MRRF: variants seen among roughly 807,000 people sequenced by gnomAD.
The protein encoded by MRRF is mitochondrial ribosome recycling factor, also known as ribosome-recycling factor, mitochondrial.
A neutral mutation model predicts 25.1 loss-of-function variants in MRRF; 18 were observed. The observed-to-expected ratio is 0.72, with a 90% CI of 0.50 to 1.06. MRRF has a LOEUF of 1.06. Ranked by LOEUF, MRRF falls within the 50% of genes least tolerant of loss-of-function variation. The pLI is 0.00. For synonymous variants in MRRF, 113 were observed against 112.1 expected (o/e 1.01, Z -0.05); for missense variants, 323 against 319.3 (o/e 1.01, Z -0.09).
At chr9:122,303,813 T>C (rs146457971) in intron 5 of MRRF, among the ~76,000 whole-genome samples, 6 of 152,312 alleles carry the variant, frequency 3.9e-5, no homozygotes, top group African/African-American at 1.4e-4. Flanking sequence ...AATCTGTCTG[T>C]TTCCAAAGCC....
intron 1 of MRRF, among the ~76,000 whole-genome samples, chr9:122,270,161 A>T (rs916488993): frequency 2.0e-5 from 3 of 152,184 alleles, no homozygotes; most frequent in African/African-American, 7.2e-5. Context: ...GCTATCAATG[A>T]TATATTTGTC....
At chr9:122,322,112 G>A (rs1835925589) in intron 6 of MRRF, among the ~76,000 whole-genome samples, 1 of 152,202 alleles carries the variant, frequency 6.6e-6, no homozygotes, top group Non-Finnish European at 1.5e-5. Context: ...TGTAATCCCA[G>A]CACTTTGGGA....
chr9:122,313,223 T>C lies in MRRF; in HGVS notation c.552-4T>C, dbSNP rs1338057048. The C allele has an allele frequency of 6.2e-7, 1 of 1,613,740 alleles. No homozygotes were observed. The highest frequency in any genetic ancestry group is 8.5e-7 in the Non-Finnish European group (1 of 1,179,810). Reference sequence around the variant, plus strand: ...TTTGTTGAATGTCTTTTGTCTTTTATCAGAGTAACCAGAGAGCACAGAGAA... The same window carrying C: ...TTTGTTGAATGTCTTTTGTCTTTTACCAGAGTAACCAGAGAGCACAGAGAA... On this transcript the variant is annotated splice_region_variant and splice_polypyrimidine_tract_variant and intron_variant, in intron 5 of 6. Transcript: ENST00000344641.
rs1278948052 is a variant in MRRF at position 122,271,089 on chromosome 9, A to T, written c.184+14A>T. ...AGAAAGCCAAAGGTAGAGACATGTGACGTTCTCTCCTACTTCACCCCTTTC... is the reference window on the plus strand; with the variant it reads ...AGAAAGCCAAAGGTAGAGACATGTGTCGTTCTCTCCTACTTCACCCCTTTC... On this transcript the variant is annotated intron_variant, in intron 2 of 6. Transcript: ENST00000344641. The T allele has an allele frequency of 6.2e-7, 1 of 1,609,736 alleles. No individual in the cohort carries two copies. The highest frequency in any genetic ancestry group is 8.5e-7 in the Non-Finnish European group (1 of 1,175,932).
intron 3 of MRRF, among the ~76,000 whole-genome samples, chr9:122,284,524 T>A (rs1833265506): frequency 6.6e-6 from 1 of 152,180 alleles, no homozygotes; most frequent in South Asian, 2.1e-4. Context: ...ATAACTCACC[T>A]GAGGTTTCAT....
chr9:122,319,994 C>T (rs890167835), intron 6 of MRRF, among the ~76,000 whole-genome samples: 2 of 151,322 alleles, frequency 1.3e-5, no homozygotes, highest in Admixed American at 1.3e-4. Context: ...CCCATCTCAG[C>T]TTCCTGAGTA....
chr9:122,297,250 A>C (rs1228406942), intron 5 of MRRF, among the ~76,000 whole-genome samples: 1 of 152,182 alleles, frequency 6.6e-6, no homozygotes, highest in Non-Finnish European at 1.5e-5. Flanking sequence ...TGGAGGTTGC[A>C]GTGAGCCGAG....
chr9:122,306,671 T>C (rs1834866494), intron 5 of MRRF, among the ~76,000 whole-genome samples: 1 of 152,158 alleles, frequency 6.6e-6, no homozygotes, highest in South Asian at 2.1e-4. Context: ...ACCAAACTTG[T>C]GCTTTTTCGC....
intron 6 of MRRF, among the ~76,000 whole-genome samples, chr9:122,315,255 A>G (rs759264102): frequency 6.6e-6 from 1 of 152,128 alleles, no homozygotes; most frequent in African/African-American, 2.4e-5. Flanking sequence ...GGGCTCAAGC[A>G]GTCCTCCTGT....
intron 5 of MRRF, among the ~76,000 whole-genome samples, chr9:122,298,965 A>G (rs757719146): frequency 1.3e-5 from 2 of 152,116 alleles, no homozygotes; most frequent in African/African-American, 4.8e-5. Context: ...ACAAGAACAA[A>G]CCATGCCTAT....
intron 6 of MRRF, among the ~76,000 whole-genome samples, chr9:122,316,605 G>GGTGTGT (rs113434723): frequency 6.6e-6 from 1 of 150,724 alleles, no homozygotes; most frequent in African/African-American, 2.4e-5. Flanking sequence ...TGGAATTTTT[G>GGTGTGT]GTGTGTGTGT....
rs140821991 is a variant in MRRF, at chr9:122,270,967, G to A, written c.76G>A (p.Val26Ile). Residue 26 changes from valine (V) to isoleucine (I), a missense_variant, in exon 2 of 7, where the codon GTT becomes ATT. Val to Ile is a conservative substitution (Grantham distance 29). Coordinates refer to ENST00000344641, the MANE Select transcript of MRRF (RefSeq NM_138777.5). ...RNYLAASIRP[V>I]SEVTLKTVHE... ...TTATCTTGCAGCCTCTATCAGACCC[G>A]TTTCAGAAGTTACACTGAAGACAGT... is the stretch of plus-strand genomic sequence containing the variant. 1.6e-5 allele frequency: 26 copies of A among 1,614,022 alleles called. No individual in the cohort carries two copies. In the African/African-American group the frequency reaches 2.5e-4, roughly 16 times the overall value.
chr9:122,319,365 T>A (rs1431785601), intron 6 of MRRF, among the ~76,000 whole-genome samples: 1 of 152,042 alleles, frequency 6.6e-6, no homozygotes, highest in African/African-American at 2.4e-5. Context: ...TTAGCCAGGA[T>A]GGTCTCGATC....
At chr9:122,296,324 C>T (rs1834082054) in intron 5 of MRRF, among the ~76,000 whole-genome samples, 1 of 152,166 alleles carries the variant, frequency 6.6e-6, no homozygotes, top group Non-Finnish European at 1.5e-5. Flanking sequence ...TGGAGATATA[C>T]TGAAATAGTT....
intron 3 of MRRF, among the ~76,000 whole-genome samples, 180 bp from the exon 4 acceptor site, chr9:122,284,988 GC>G (rs1210235170): frequency 6.6e-6 from 1 of 152,154 alleles, no homozygotes; most frequent in Admixed American, 6.5e-5. Flanking sequence ...ATGTGGTCTT[GC>G]TGTTTTGCGC....
chr9:122,265,137 A>G (rs1831983643), intron 1 of MRRF, among the ~76,000 whole-genome samples, 199 bp downstream of exon 1: 1 of 152,134 alleles, frequency 6.6e-6, no homozygotes, highest in Admixed American at 6.5e-5. Flanking sequence ...TCCTTTTACC[A>G]GCTAGGAATT....
chr9:122,306,265 T>A (rs1413416422), intron 5 of MRRF, among the ~76,000 whole-genome samples: 1 of 152,222 alleles, frequency 6.6e-6, no homozygotes, highest in East Asian at 1.9e-4. Flanking sequence ...CTGTATGGCC[T>A]CCCTCATCCC....
rs1836190328 is a variant in MRRF, at chr9:122,328,180, C to T, written c.*5563C>T. The T allele has an allele frequency of 6.6e-6, 1 of 152,122 alleles. No individual in the cohort carries two copies. Among genetic ancestry groups the T allele is most frequent in the African/African-American group, 2.4e-5 (1 of 41,416 alleles). 9.4% of individuals were successfully genotyped at this position (152,122 alleles called of 1,614,324 possible). Reference sequence around the variant, plus strand: ...TAGAGACAAGGTCTTGGCTATGTTGCCCAGGCTGATCTCAAACTCCTGAGC... The same window carrying T: ...TAGAGACAAGGTCTTGGCTATGTTGTCCAGGCTGATCTCAAACTCCTGAGC... On this transcript the variant is annotated 3_prime_UTR_variant, in exon 7 of 7. Coordinates refer to ENST00000344641, the MANE Select transcript of MRRF (RefSeq NM_138777.5).
At chr9:122,312,587 G>C (rs1835272679) in intron 5 of MRRF, among the ~76,000 whole-genome samples, 1 of 152,180 alleles carries the variant, frequency 6.6e-6, no homozygotes, top group Non-Finnish European at 1.5e-5. Context: ...GTCCATTTCA[G>C]GACCCAGGGG....
Sources: gnomAD v4.1 joint callset for allele counts (sites outside exome capture counted in the v4.1 genomes callset) on GRCh38, gnomAD v4.1.1 for gene constraint, MANE v1.5 for transcripts, NCBI Gene and HGNC (gene_info 2026-07-23, HGNC 2026-07-21) for gene names.